SIPA1L3: variants seen among roughly 807,000 people sequenced by gnomAD.
SIPA1L3 encodes the protein signal induced proliferation associated 1 like 3.
A neutral mutation model predicts 150.1 loss-of-function variants in SIPA1L3; 59 were observed. The observed-to-expected ratio is 0.39, with a 90% CI of 0.32 to 0.49. The LOEUF is 0.49. Among genes scored for constraint, SIPA1L3 ranks in the 20% least tolerant of loss-of-function variants. The probability of loss-of-function intolerance (pLI) is 0.86; values close to 1 mark genes in which losing one functional copy is unlikely to be tolerated. For synonymous variants in SIPA1L3, 1,070 were observed against 1,077.6 expected (o/e 0.99, Z 0.14); for missense variants, 2,211 against 2,489.5 (o/e 0.89, Z 2.38).
intron 12 of SIPA1L3, among the ~76,000 whole-genome samples, chr19:38,146,282 C>T (rs994818025): frequency 3.3e-5 from 5 of 152,266 alleles, no homozygotes; most frequent in African/African-American, 9.6e-5. Flanking sequence ...TCCACGTTGT[C>T]GCGAGTCTCT....
rs148970121 is a variant in SIPA1L3 at position 38,178,429 on chromosome 19, C to T, written c.4209-4090C>T. Among the ~76,000 whole-genome samples the T allele has an allele frequency of 2.2e-3, 333 of 151,484 alleles. 2 individuals carry two copies. Among genetic ancestry groups the T allele is most frequent in the African/African-American group, 7.5e-3 (311 of 41,290 alleles). Reference sequence around the variant, plus strand: ...GGATTACAGCATGAGCCACCATGCCCGGCCTTGTGCAGGCTTTTCTATTGC... The same window carrying T: ...GGATTACAGCATGAGCCACCATGCCTGGCCTTGTGCAGGCTTTTCTATTGC... On this transcript the variant is annotated intron_variant, in intron 15 of 21. Transcript: ENST00000222345.
chr19:38,063,693 G>GC (rs1378009479), intron 2 of SIPA1L3, among the ~76,000 whole-genome samples: 1 of 152,190 alleles, frequency 6.6e-6, no homozygotes. Context: ...CATCAGTCTA[G>GC]CCCGGGCAGT....
At chr19:38,052,189 C>T (rs1031240961) in intron 2 of SIPA1L3, among the ~76,000 whole-genome samples, 2 of 152,194 alleles carry the variant, frequency 1.3e-5, no homozygotes, top group African/African-American at 4.8e-5. Flanking sequence ...TGTGTCTTCT[C>T]CCTTGATTCT....
intron 1 of SIPA1L3, among the ~76,000 whole-genome samples, chr19:38,015,144 T>C (rs1014449738): frequency 6.6e-6 from 1 of 152,178 alleles, no homozygotes; most frequent in African/African-American, 2.4e-5. Context: ...AAGTATCAGA[T>C]CATTTCACTC....
chr19:38,012,869 G>A (rs1391072542), intron 1 of SIPA1L3, among the ~76,000 whole-genome samples: 1 of 152,120 alleles, frequency 6.6e-6, no homozygotes, highest in Non-Finnish European at 1.5e-5. Flanking sequence ...TGGACCTGCA[G>A]GAAGTAAACG....
intron 2 of SIPA1L3, among the ~76,000 whole-genome samples, chr19:38,036,676 C>T (rs1464253256): frequency 3.9e-5 from 6 of 152,252 alleles, no homozygotes; most frequent in Middle Eastern, 3.4e-3. Context: ...CTCTGATGGG[C>T]GAGTTTCTGC....
chr19:38,147,088 G>T (rs1020907078), intron 12 of SIPA1L3, among the ~76,000 whole-genome samples: 1 of 151,858 alleles, frequency 6.6e-6, no homozygotes, highest in Non-Finnish European at 1.5e-5. Flanking sequence ...TTGAGACGGA[G>T]TCTTGCTCTG....
At chr19:37,947,143 G>A (rs144609320) in intron 1 of SIPA1L3, among the ~76,000 whole-genome samples, 10 of 151,760 alleles carry the variant, frequency 6.6e-5, no homozygotes, top group Non-Finnish European at 1.0e-4. Flanking sequence ...ATAGTGAGCT[G>A]GGATTGCGCC....
intron 2 of SIPA1L3, among the ~76,000 whole-genome samples, chr19:38,054,730 AC>A (rs1463882972): frequency 3.3e-5 from 5 of 152,130 alleles, no homozygotes; most frequent in African/African-American, 1.2e-4. Flanking sequence ...TGATAAGAGA[AC>A]CTTTTGTTTG....
chr19:37,986,870 C>T (rs528055390), intron 1 of SIPA1L3, among the ~76,000 whole-genome samples: 1 of 152,248 alleles, frequency 6.6e-6, no homozygotes, highest in African/African-American at 2.4e-5. Flanking sequence ...ACCTGGGGGT[C>T]GTGATAAAAT....
intron 10 of SIPA1L3, 62 bp from the exon 11 acceptor site, chr19:38,141,122 G>C: frequency 7.5e-7 from 1 of 1,332,244 alleles, no homozygotes. Flanking sequence ...ACCCAGCCTA[G>C]ACAGCAGGCC....
chr19:38,057,929 C>T (rs994079952), intron 2 of SIPA1L3, among the ~76,000 whole-genome samples: 8 of 151,982 alleles, frequency 5.3e-5, no homozygotes, highest in African/African-American at 1.7e-4. Context: ...CCCAAAGTGC[C>T]GGGATTACAG....
At chr19:38,043,054 C>A (rs1420910489) in intron 2 of SIPA1L3, among the ~76,000 whole-genome samples, 1 of 152,106 alleles carries the variant, frequency 6.6e-6, no homozygotes, top group African/African-American at 2.4e-5. Context: ...AAAACAGATC[C>A]ATGGGCCAGG....
chr19:38,147,442 A>G (rs1488667609), intron 12 of SIPA1L3, among the ~76,000 whole-genome samples: 1 of 152,130 alleles, frequency 6.6e-6, no homozygotes, highest in Non-Finnish European at 1.5e-5. Flanking sequence ...GGTGTTGTCT[A>G]AGAACTCTGC....
chr19:38,199,999 T>C (rs945781287), intron 19 of SIPA1L3: 4 of 152,060 alleles, frequency 2.6e-5, no homozygotes, highest in African/African-American at 9.7e-5. Flanking sequence ...GAGGTCAAGG[T>C]AGGAGGATGG....
chr19:38,206,829 AAGC>A lies in SIPA1L3; in HGVS notation c.*593_*595del. ...CCCTCCCTAACCCCCTCCTCCCAAA[AAGC>A]AGCCAGGAGCACTTTCTTAGAGTTT... On this transcript the variant is annotated 3_prime_UTR_variant, in exon 22 of 22. Coordinates refer to ENST00000222345, the MANE Select transcript of SIPA1L3 (RefSeq NM_015073.3). The A allele has an allele frequency of 6.5e-6, 1 of 152,886 alleles. No homozygotes were observed. Among genetic ancestry groups the A allele is most frequent in the African/African-American group, 2.4e-5 (1 of 41,502 alleles). The allele number at this position is 152,886 out of a possible 1,614,324, so 9.5% of individuals were successfully genotyped here.
chr19:37,983,593 A>G (rs986615478), intron 1 of SIPA1L3, among the ~76,000 whole-genome samples: 6 of 152,008 alleles, frequency 3.9e-5, no homozygotes, highest in African/African-American at 1.2e-4. Flanking sequence ...AACCTAAGAA[A>G]CAGTGGTTTC....
intron 16 of SIPA1L3, 60 bp from the exon 17 acceptor site, chr19:38,192,085 G>A: frequency 1.3e-6 from 2 of 1,500,820 alleles, no homozygotes; most frequent in South Asian, 1.3e-5. Flanking sequence ...AATCCAAACA[G>A]CTTTGAAAAG....
chr19:37,987,811 G>A (rs1967397515), intron 1 of SIPA1L3, among the ~76,000 whole-genome samples: 1 of 152,180 alleles, frequency 6.6e-6, no homozygotes, highest in African/African-American at 2.4e-5. Context: ...CCACTGTCCC[G>A]GCGCCTTTAC....
Sources: gnomAD v4.1 joint callset for allele counts (sites outside exome capture counted in the v4.1 genomes callset) on GRCh38, gnomAD v4.1.1 for gene constraint, MANE v1.5 for transcripts, NCBI Gene and HGNC (gene_info 2026-07-23, HGNC 2026-07-21) for gene names.